CECR2: variants seen among roughly 807,000 people sequenced by gnomAD.
CECR2 encodes the protein chromatin remodeling regulator CECR2.
In CECR2, 30 loss-of-function variants were observed where a neutral mutation model predicts 154.5. The ratio of observed to expected loss-of-function variants is 0.19; its 90% CI spans 0.15 to 0.26. The LOEUF is 0.26. CECR2 is among the 10% of genes least tolerant of loss of function. The probability of loss-of-function intolerance (pLI) is 1.00; values close to 1 mark genes in which losing one functional copy is unlikely to be tolerated. For synonymous variants in CECR2, 725 were observed against 683.7 expected, an observed-to-expected ratio of 1.06 and a Z score of -0.94; for missense variants, 1,743 against 1,829.3, an observed-to-expected ratio of 0.95 and a Z score of 0.86.
intron 12 of CECR2, 89 bp downstream of exon 12, chr22:17,538,820 T>TA: frequency 7.7e-7 from 1 of 1,293,294 alleles, no homozygotes; most frequent in South Asian, 1.4e-5. Context: ...ATATATATAT[T>TA]TTGATACGTT....
At position 17,428,311 on chromosome 22, in the gene CECR2, G is replaced by C. The variant is rs1461528895; in HGVS notation, c.127-49277G>C. 5 of 152,132 alleles carry C rather than the reference G, an allele frequency of 3.3e-5. No individual in the cohort carries two copies. The East Asian group carries it at 9.6e-4, about 29-fold the overall frequency. The allele number at this position is 152,132 out of a possible 1,614,324, so 9.4% of individuals were successfully genotyped here. On this transcript the variant is annotated intron_variant, in intron 1 of 18. Transcript: ENST00000262608. Reference sequence around the variant, plus strand: ...TAGTCACATAATGTCTGCTGTCTCTGAGATGTGAGCAGACATTGATTGTTA... The same window carrying C: ...TAGTCACATAATGTCTGCTGTCTCTCAGATGTGAGCAGACATTGATTGTTA...
chr22:17,382,032 C>T lies in CECR2; in HGVS notation c.126+12123C>T, dbSNP rs533025949. Among the ~76,000 whole-genome samples, 1,210 of 148,578 alleles carry T rather than the reference C, an allele frequency of 8.1e-3. 20 individuals are homozygous for T. The highest frequency in any genetic ancestry group is 0.029 in the African/African-American group (1,158 of 40,508). On this transcript the variant is annotated intron_variant, in intron 1 of 18. Transcript: ENST00000262608. ...TCTCCCTAGTAGCTGGGACTACAGG[C>T]GCCTGCCACCACGCCCTGCTAATTT...
rs751991001 is a variant in CECR2, at chr22:17,542,803, C to T, written c.2660C>T (p.Ala887Val). Reference protein sequence around the residue: ...DSMMDSPEMIAMQQLSSRVCP... With the variant: ...DSMMDSPEMIVMQQLSSRVCP... The stretch of plus-strand genomic sequence containing the variant: ...ATGATGGACAGCCCAGAGATGATTG[C>T]GATGCAGCAGCTCTCCTCCCGCGTC... Residue 887 changes from alanine (A) to valine (V), a missense_variant, in exon 16 of 19, where the codon GCG becomes GTG. Around this residue, in one of 4 missense-constraint regions of CECR2, gnomAD observed 1,250 missense variants for 1,192.1 expected, o/e 1.05. Transcript: ENST00000262608. 9 of 1,613,902 alleles carry T rather than the reference C, an allele frequency of 5.6e-6. No homozygotes were observed. The highest frequency in any genetic ancestry group is 6.8e-6 in the Non-Finnish European group (8 of 1,179,834).
chr22:17,550,566 C>T (rs1399845012), intron 17 of CECR2, among the ~76,000 whole-genome samples: 1 of 152,190 alleles, frequency 6.6e-6, no homozygotes, highest in Non-Finnish European at 1.5e-5. Context: ...ACTTCTTTCA[C>T]ACATGCTTGT....
At chr22:17,392,631 G>A (rs1453049504) in intron 1 of CECR2, among the ~76,000 whole-genome samples, 3 of 151,554 alleles carry the variant, frequency 2.0e-5, no homozygotes, top group Admixed American at 6.6e-5. Flanking sequence ...GCAGTGAGCC[G>A]AAATTATACC....
intron 1 of CECR2, among the ~76,000 whole-genome samples, chr22:17,475,788 C>T (rs1351345384): frequency 6.6e-6 from 1 of 152,080 alleles, no homozygotes; most frequent in Non-Finnish European, 1.5e-5. Context: ...AGTCTTCCCT[C>T]GCCTCGGCTG....
intron 8 of CECR2, among the ~76,000 whole-genome samples, chr22:17,516,221 A>G (rs1040562870): frequency 2.6e-5 from 4 of 151,984 alleles, no homozygotes; most frequent in African/African-American, 9.7e-5. Context: ...ATATATATGG[A>G]TATATATCCA....
Position 17,379,581 on chromosome 22 carries a change from GGTGTGTGTGT to G in CECR2, c.126+9707_126+9716del, listed in dbSNP as rs60634016. 1.0e-3 allele frequency among the ~76,000 whole-genome samples: 139 copies of G among 137,904 alleles called. 1 individual carries two copies. The highest frequency in any genetic ancestry group is 2.7e-3 in the African/African-American group (99 of 37,098). 90.5% of individuals were successfully genotyped at this position (137,904 alleles called of 152,430 possible). ...AAAGTTCAGTGGGACCTACGTTGAA[GGTGTGTGTGT>G]GTGTGTGTGTGTGTGTGTGTGTGTG... On this transcript the variant is annotated intron_variant, in intron 1 of 18. Transcript: ENST00000262608.
At chr22:17,389,785 G>A (rs1210208699) in intron 1 of CECR2, among the ~76,000 whole-genome samples, 3 of 151,994 alleles carry the variant, frequency 2.0e-5, no homozygotes, top group African/African-American at 7.3e-5. Context: ...GCGCCACAAC[G>A]CCCGGCTAAT....
intron 1 of CECR2, among the ~76,000 whole-genome samples, chr22:17,462,288 C>G (rs1353283581): frequency 6.6e-6 from 1 of 151,742 alleles, no homozygotes; most frequent in Non-Finnish European, 1.5e-5. Flanking sequence ...CCTGTAGTCC[C>G]AGGCAGAGCT....
chr22:17,419,593 T>C, intron 1 of CECR2: 1 of 313,216 alleles, frequency 3.2e-6, no homozygotes, highest in Non-Finnish European at 6.3e-6. Context: ...AAGAAACAGT[T>C]TCTCCACTGG....
intron 1 of CECR2, among the ~76,000 whole-genome samples, chr22:17,455,034 A>G (rs960998101): frequency 6.6e-6 from 1 of 152,156 alleles, no homozygotes; most frequent in Non-Finnish European, 1.5e-5. Context: ...CACATTCTGT[A>G]TTTGTCCCGA....
At chr22:17,532,290 C>T (rs960830894) in intron 9 of CECR2, among the ~76,000 whole-genome samples, 3 of 152,182 alleles carry the variant, frequency 2.0e-5, no homozygotes, top group African/African-American at 4.8e-5. Context: ...TCTCATAGTC[C>T]TGGAAGTTAG....
At chr22:17,467,387 T>G (rs1227344341) in intron 1 of CECR2, among the ~76,000 whole-genome samples, 1 of 152,126 alleles carries the variant, frequency 6.6e-6, no homozygotes, top group Non-Finnish European at 1.5e-5. Context: ...GGACAGGACT[T>G]GGGTGAGCAT....
intron 1 of CECR2, among the ~76,000 whole-genome samples, chr22:17,391,548 A>T (rs1380563050): frequency 6.6e-6 from 1 of 152,120 alleles, no homozygotes; most frequent in Non-Finnish European, 1.5e-5. Flanking sequence ...GGCTGTGGTG[A>T]GGTTCGAATG....
intron 9 of CECR2, among the ~76,000 whole-genome samples, chr22:17,535,705 G>T (rs1241031150): frequency 2.7e-5 from 4 of 150,110 alleles, no homozygotes; most frequent in Admixed American, 2.0e-4. Context: ...AAAAATAGTT[G>T]GTTTAGAGAA....
intron 1 of CECR2, among the ~76,000 whole-genome samples, chr22:17,461,332 T>A (rs2054934578): frequency 6.6e-6 from 1 of 152,250 alleles, no homozygotes; most frequent in South Asian, 2.1e-4. Flanking sequence ...AGTTATTTCC[T>A]TTATCCTCTT....
chr22:17,458,847 T>C (rs1230553817), intron 1 of CECR2, among the ~76,000 whole-genome samples: 1 of 152,214 alleles, frequency 6.6e-6, no homozygotes, highest in Non-Finnish European at 1.5e-5. Context: ...TCTGTGTGTC[T>C]AACCTAAGTC....
At chr22:17,469,450 GC>G (rs2055085596) in intron 1 of CECR2, among the ~76,000 whole-genome samples, 1 of 152,208 alleles carries the variant, frequency 6.6e-6, no homozygotes, top group African/African-American at 2.4e-5. Context: ...TTCTCCCAGG[GC>G]TGATAAAGTA....
Sources: gnomAD v4.1 joint callset for allele counts (sites outside exome capture counted in the v4.1 genomes callset) on GRCh38, gnomAD v4.1.1 for gene constraint, gnomAD v4.1.1 regional missense constraint, MANE v1.5 for transcripts, NCBI Gene and HGNC (gene_info 2026-07-23, HGNC 2026-07-21) for gene names.